Variants in PCDHGA5 observed in about 807,000 individuals in gnomAD.
PCDHGA5 encodes the protein protocadherin gamma subfamily A, 5, also known as protocadherin gamma-A5.
PCDHGA5 carries 36 observed loss-of-function variants against 56.7 expected under a neutral mutation model. That is an observed-to-expected ratio of 0.64 (90% confidence interval 0.49 to 0.84). The LOEUF (loss-of-function observed/expected upper bound fraction) is 0.84, where lower values mean the gene tolerates loss of function less well. PCDHGA5 is among the 40% of genes least tolerant of loss of function. The probability of loss-of-function intolerance (pLI) is 0.00; values close to 1 mark genes in which losing one functional copy is unlikely to be tolerated. For missense variants in PCDHGA5, 1,305 were observed against 1,201.5 expected (o/e 1.09, Z -1.27); for synonymous variants, 563 against 520.2 (o/e 1.08, Z -1.12).
At chr5:141,419,371 C>T (rs751971270) in intron 1 of PCDHGA5, 4 of 1,613,662 alleles carry the variant, frequency 2.5e-6, no homozygotes, top group Non-Finnish European at 8.5e-7. Flanking sequence ...TGTCGTCCTA[C>T]GTGTCCGTGA....
At chr5:141,502,866 C>CTTTTTTTTTTTTTTTT (rs549047197) in intron 2 of PCDHGA5, among the ~76,000 whole-genome samples, 4 of 128,044 alleles carry the variant, frequency 3.1e-5, no homozygotes, top group African/African-American at 3.1e-5. Context: ...GACTCTCTGT[C>CTTTTTTTTTTTTTTTT]TTTTTTTTTT....
intron 1 of PCDHGA5, chr5:141,367,611 T>G (rs868477052): frequency 6.6e-6 from 1 of 152,038 alleles, no homozygotes; most frequent in Non-Finnish European, 1.5e-5. Flanking sequence ...AATGATAACA[T>G]GTAGCATTCT....
At chr5:141,385,585 C>G (rs1051281848) in intron 1 of PCDHGA5, 41 of 1,267,842 alleles carry the variant, frequency 3.2e-5, no homozygotes, top group Admixed American at 1.9e-4. Context: ...AATCTATGTT[C>G]CAACCTACTT....
In PCDHGA5 at chr5:141,365,106, C is replaced by T. The variant is rs1561533210; in HGVS notation, c.776C>T (p.Thr259Ile). 1 of 1,613,862 alleles carries T rather than the reference C, an allele frequency of 6.2e-7. No individual in the cohort carries two copies. The highest frequency in any genetic ancestry group is 8.5e-7 in the Non-Finnish European group (1 of 1,179,876). The change falls in exon 1 of 4, where the codon ACT (threonine) becomes ATT (isoleucine). Residue 259 changes from threonine (T) to isoleucine (I), a missense_variant. By Grantham distance (89) the Thr-to-Ile change is moderately conservative. Transcript: ENST00000518069. Reference protein sequence around the residue: ...VSVPENIPVGTRLLMLTATDP... With the variant: ...VSVPENIPVGIRLLMLTATDP... The stretch of plus-strand genomic sequence containing the variant: ...GTTCCAGAGAACATACCTGTGGGCA[C>T]TCGGCTGCTCATGCTAACCGCCACG...
chr5:141,414,159 A>G (rs2095715416), intron 1 of PCDHGA5: 1 of 1,602,874 alleles, frequency 6.2e-7, no homozygotes. Context: ...CAGAAGATGG[A>G]GGAGCATATC....
intron 1 of PCDHGA5, chr5:141,392,860 T>G (rs726684): frequency 0.19 from 299,729 of 1,611,996 alleles, 30,027 homozygotes; most frequent in Admixed American, 0.35. Context: ...CTGATCCTGC[T>G]GTGCGCGCTG....
intron 1 of PCDHGA5, chr5:141,414,961 G>T: frequency 6.2e-7 from 1 of 1,614,028 alleles, no homozygotes; most frequent in South Asian, 1.1e-5. Flanking sequence ...GACCAAGGTG[G>T]TGGCGGTGGA....
intron 1 of PCDHGA5, chr5:141,442,367 T>C (rs1304138950): frequency 6.6e-6 from 1 of 152,282 alleles, no homozygotes; most frequent in Non-Finnish European, 1.5e-5. Flanking sequence ...TATGATGCCA[T>C]ATTCCTACCA....
intron 1 of PCDHGA5, among the ~76,000 whole-genome samples, chr5:141,456,105 G>T (rs2098843517): frequency 6.6e-6 from 1 of 151,978 alleles, no homozygotes; most frequent in Non-Finnish European, 1.5e-5. Context: ...CACCGTGTTA[G>T]CCAGGATGGT....
chr5:141,498,672 C>T (rs1034911993), intron 2 of PCDHGA5, among the ~76,000 whole-genome samples: 3 of 152,218 alleles, frequency 2.0e-5, no homozygotes, highest in South Asian at 4.1e-4. Context: ...TGGCTCACGC[C>T]TGTAATCCCA....
intron 1 of PCDHGA5, chr5:141,423,618 C>CT (rs1300844043): frequency 1.9e-6 from 3 of 1,608,282 alleles, no homozygotes; most frequent in Admixed American, 1.7e-5. Flanking sequence ...TAGCTGAAGA[C>CT]TCAGCTATCA....
At position 141,374,373 on chromosome 5, in the gene PCDHGA5, C is replaced by A. The variant is rs370590731; in HGVS notation, c.2421+7622C>A. 7.4e-6 allele frequency: 12 copies of A among 1,613,934 alleles called. No homozygotes were observed. Among genetic ancestry groups the A allele is most frequent in the Non-Finnish European group, 8.5e-7 (1 of 1,179,910 alleles). On this transcript the variant is annotated intron_variant, in intron 1 of 3. Transcript: ENST00000518069. ...AGGATAGACCGCGAGGAGCTCTGTGCTCAGAGCCCGCGGTGTCTGGTGAGT... is the reference window on the plus strand; with the variant it reads ...AGGATAGACCGCGAGGAGCTCTGTGATCAGAGCCCGCGGTGTCTGGTGAGT...
chr5:141,394,961 G>A, intron 1 of PCDHGA5: 1 of 1,613,920 alleles, frequency 6.2e-7, no homozygotes, highest in Non-Finnish European at 8.5e-7. Flanking sequence ...GGCTCAGGCT[G>A]AGGCGCTGGC....
chr5:141,457,891 T>C (rs2154566084), intron 1 of PCDHGA5, among the ~76,000 whole-genome samples: 1 of 152,346 alleles, frequency 6.6e-6, no homozygotes, highest in South Asian at 2.1e-4. Context: ...GTGTGGGGAC[T>C]GTGTAGACAA....
intron 1 of PCDHGA5, chr5:141,372,709 C>A (rs751651788): frequency 6.2e-7 from 1 of 1,613,966 alleles, no homozygotes; most frequent in South Asian, 1.1e-5. Flanking sequence ...AATATAAAGG[C>A]TGAAAATGCT....
chr5:141,395,259 C>A, intron 1 of PCDHGA5: 1 of 1,551,968 alleles, frequency 6.4e-7, no homozygotes, highest in South Asian at 1.2e-5. Context: ...TCTTTGCTTG[C>A]TTTTAATTTC....
intron 1 of PCDHGA5, among the ~76,000 whole-genome samples, chr5:141,464,402 G>T (rs900750443): frequency 6.6e-6 from 1 of 150,722 alleles, no homozygotes; most frequent in African/African-American, 2.4e-5. Context: ...AAGAACCTGA[G>T]ATATATATAT....
In PCDHGA5 at chr5:141,419,882, T is replaced by A. The variant is rs145814583; in HGVS notation, c.2421+53131T>A. ...TAGCTTGCAAGAGGTACTGCCGGAT[T>A]TCAGCGACCATCCCACACCCTCTGA... On this transcript the variant is annotated intron_variant, in intron 1 of 3. Transcript: ENST00000518069. The A allele has an allele frequency of 4.9e-3, 7,980 of 1,614,092 alleles. 44 individuals carry two copies. Among genetic ancestry groups the A allele is most frequent in the Admixed American group, 9.4e-3 (567 of 60,032 alleles).
At chr5:141,422,041 G>T in intron 1 of PCDHGA5, 3 of 1,611,632 alleles carry the variant, frequency 1.9e-6, no homozygotes, top group South Asian at 1.1e-5. Context: ...GGATCCAGAC[G>T]AGGGAATCAA....
Sources: allele counts gnomAD v4.1 joint callset (sites outside exome capture counted in the v4.1 genomes callset), GRCh38; gene constraint gnomAD v4.1.1; transcripts MANE v1.5; gene names NCBI Gene and HGNC (gene_info 2026-07-23, HGNC 2026-07-21).